Variants in ADGRL2 observed in about 807,000 individuals in gnomAD.
ADGRL2 encodes the protein adhesion G protein-coupled receptor L2, also known as calcium-independent alpha-latrotoxin receptor 2.
ADGRL2 carries 44 observed loss-of-function variants against 157.4 expected under a neutral mutation model. The observed-to-expected ratio is 0.28, with a 90% CI of 0.22 to 0.36. The LOEUF is 0.36. Ranked by LOEUF, ADGRL2 falls within the 10% of genes least tolerant of loss-of-function variation. ADGRL2 has a pLI of 1.00. For missense variants in ADGRL2, 1,510 were observed against 1,768.9 expected (o/e 0.85, Z 2.63); for synonymous variants, 585 against 624.7 (o/e 0.94, Z 0.95).
chr1:81,327,242 G>A (rs1441419782), intron 1 of ADGRL2, among the ~76,000 whole-genome samples: 1 of 152,114 alleles, frequency 6.6e-6, no homozygotes, highest in African/African-American at 2.4e-5. Flanking sequence ...TGCTGAGAAT[G>A]GAATGGGACG....
chr1:81,696,134 T>C (rs1365503419), upstream of ADGRL2, among the ~76,000 whole-genome samples: 1 of 152,206 alleles, frequency 6.6e-6, no homozygotes, highest in Non-Finnish European at 1.5e-5. Flanking sequence ...GATATATGTG[T>C]TGCTCCTCCC....
At chr1:81,577,131 CT>C (rs1000541102) in intron 2 of ADGRL2, among the ~76,000 whole-genome samples, 5 of 152,168 alleles carry the variant, frequency 3.3e-5, no homozygotes, top group Admixed American at 1.3e-4. Context: ...ATTTTCCTCT[CT>C]TTGGACTTGT....
At chr1:81,425,925 G>T (rs910253533) in intron 1 of ADGRL2, among the ~76,000 whole-genome samples, 2 of 152,074 alleles carry the variant, frequency 1.3e-5, no homozygotes, top group African/African-American at 2.4e-5. Context: ...GGACTGCACA[G>T]ATGCAATCAT....
chr1:81,862,353 T>G (rs1056637908), intron 2 of ADGRL2, among the ~76,000 whole-genome samples: 2 of 152,198 alleles, frequency 1.3e-5, no homozygotes, highest in African/African-American at 4.8e-5. Flanking sequence ...CCAACCCCTT[T>G]TAGGGCATAG....
intron 3 of ADGRL2, among the ~76,000 whole-genome samples, chr1:81,926,491 G>A (rs2095109900): frequency 6.6e-6 from 1 of 151,996 alleles, no homozygotes. Flanking sequence ...GCATCCCATA[G>A]CGATTTCCCA....
chr1:81,865,133 C>G (rs2093502338), intron 2 of ADGRL2, among the ~76,000 whole-genome samples: 1 of 152,172 alleles, frequency 6.6e-6, no homozygotes. Flanking sequence ...CTTACAGAGA[C>G]AAAGTTAGCA....
intron 8 of ADGRL2, 139 bp from the exon 9 acceptor site, chr1:81,951,818 G>A (rs560692352): frequency 2.0e-6 from 1 of 508,326 alleles, no homozygotes; most frequent in African/African-American, 2.0e-5. Flanking sequence ...CTAAGACGAA[G>A]GGAAAGTCAT....
chr1:81,422,007 T>G (rs1381389554), intron 1 of ADGRL2, among the ~76,000 whole-genome samples: 1 of 152,194 alleles, frequency 6.6e-6, no homozygotes, highest in African/African-American at 2.4e-5. Flanking sequence ...CTTACAGACT[T>G]ATTTTATTCA....
chr1:81,752,399 C>T (rs1427034989), intron 1 of ADGRL2, among the ~76,000 whole-genome samples: 1 of 152,184 alleles, frequency 6.6e-6, no homozygotes, highest in African/African-American at 2.4e-5. Flanking sequence ...GCAGAGGGCT[C>T]TCGCCATCTC....
chr1:81,634,490 T>C (rs1414725052), intron 3 of ADGRL2, among the ~76,000 whole-genome samples: 1 of 151,114 alleles, frequency 6.6e-6, no homozygotes, highest in Non-Finnish European at 1.5e-5. Context: ...TCCAATTATG[T>C]TAGCTTTAAG....
Position 81,907,002 on chromosome 1 carries a change from C to CT in ADGRL2, c.74-9dup, listed in dbSNP as rs1168062731. On this transcript the variant is annotated splice_polypyrimidine_tract_variant and intron_variant, in intron 2 of 23. Coordinates refer to ENST00000686636, the MANE Select transcript of ADGRL2 (RefSeq NM_001366006.2). Reference sequence around the variant, plus strand: ...AATGAGTTACAGTTTAATTTTCTTTCTTTTTTATTTTAAGGTTTCAGCAGA... The same window carrying CT: ...AATGAGTTACAGTTTAATTTTCTTTCTTTTTTTATTTTAAGGTTTCAGCAGA... 1.3e-6 allele frequency: 2 copies of CT among 1,597,064 alleles called. No individual in the cohort carries two copies. The highest frequency in any genetic ancestry group is 1.7e-6 in the Non-Finnish European group (2 of 1,166,714).
chr1:81,509,957 G>A (rs546456528), intron 2 of ADGRL2, among the ~76,000 whole-genome samples: 2 of 152,280 alleles, frequency 1.3e-5, no homozygotes, highest in East Asian at 3.9e-4. Flanking sequence ...AAGCGTCCAA[G>A]TCTTTCACTA....
intron 2 of ADGRL2, among the ~76,000 whole-genome samples, chr1:81,572,547 AC>A (rs1160058498): frequency 6.6e-6 from 1 of 152,192 alleles, no homozygotes; most frequent in Non-Finnish European, 1.5e-5. Context: ...GAAGTATTAA[AC>A]TTTCATATTA....
rs569760423 is a variant in ADGRL2, at chr1:81,877,029, A to G, written c.74-29988A>G. Among the ~76,000 whole-genome samples the G allele has an allele frequency of 1.1e-4, 17 of 152,206 alleles. No homozygotes were observed. The South Asian group carries it at 3.1e-3, about 28-fold the overall frequency. ...CCACTCCTGCCCAACCGCTCATTCT[A>G]CAATATTGAGCCTTAACTCCTGTTC... On this transcript the variant is annotated intron_variant, in intron 2 of 23. Transcript: ENST00000686636.
chr1:81,403,699 A>T (rs994657601), intron 1 of ADGRL2, among the ~76,000 whole-genome samples: 3 of 152,188 alleles, frequency 2.0e-5, no homozygotes, highest in African/African-American at 7.2e-5. Context: ...GCACATTTAC[A>T]TACATTCTGC....
intron 2 of ADGRL2, among the ~76,000 whole-genome samples, chr1:81,474,344 A>G (rs1236218668): frequency 2.0e-5 from 3 of 152,178 alleles, no homozygotes; most frequent in Non-Finnish European, 2.9e-5. Flanking sequence ...TTTTGTTTCC[A>G]CTTCATACTC....
intron 2 of ADGRL2, among the ~76,000 whole-genome samples, chr1:81,534,475 T>C (rs1218742502): frequency 1.3e-5 from 2 of 152,342 alleles, no homozygotes; most frequent in East Asian, 3.9e-4. Context: ...TTACAAGTTA[T>C]TTTAGAAGAA....
chr1:81,325,172 C>T lies in ADGRL2; in HGVS notation c.-302+18663C>T, dbSNP rs192283176. Reference sequence around the variant, plus strand: ...TGTGTTCTGTAGAAGAGCAGATCCACAGCCACAAATGTCAAGTTTACACAG... The same window carrying T: ...TGTGTTCTGTAGAAGAGCAGATCCATAGCCACAAATGTCAAGTTTACACAG... On this transcript the variant is annotated intron_variant, in intron 1 of 24. Transcript: ENST00000370721. Among the ~76,000 whole-genome samples, 114 of 152,314 alleles carry T rather than the reference C, an allele frequency of 7.5e-4. 1 individual carries two copies. Among genetic ancestry groups the T allele is most frequent in the African/African-American group, 2.5e-3 (106 of 41,572 alleles).
At chr1:81,322,578 A>T (rs954801922) in intron 1 of ADGRL2, among the ~76,000 whole-genome samples, 1 of 152,154 alleles carries the variant, frequency 6.6e-6, no homozygotes, top group African/African-American at 2.4e-5. Context: ...CTTAGGCTAG[A>T]TTAATAGACA....
Sources: allele counts gnomAD v4.1 joint callset (sites outside exome capture counted in the v4.1 genomes callset), GRCh38; gene constraint gnomAD v4.1.1; transcripts MANE v1.5; gene names NCBI Gene and HGNC (gene_info 2026-07-23, HGNC 2026-07-21).